UBE4B: variants seen among roughly 807,000 people sequenced by gnomAD.
The protein encoded by UBE4B is ubiquitin conjugation factor E4 B.
UBE4B carries 27 observed loss-of-function variants against 148.1 expected under a neutral mutation model. That is an observed-to-expected ratio of 0.18 (90% confidence interval 0.13 to 0.25). UBE4B has a LOEUF of 0.25. Ranked by LOEUF, UBE4B falls within the 10% of genes least tolerant of loss-of-function variation. The probability of loss-of-function intolerance (pLI) is 1.00; values close to 1 mark genes in which losing one functional copy is unlikely to be tolerated. For synonymous variants in UBE4B, 596 were observed against 619.3 expected (o/e 0.96, Z 0.56); for missense variants, 1,170 against 1,662.4 (o/e 0.70, Z 5.15).
rs1056103804 is a variant in UBE4B, at chr1:10,126,038, T to G, written c.1555-756T>G. 2.0e-5 allele frequency among the ~76,000 whole-genome samples: 3 copies of G among 152,304 alleles called. No homozygotes were observed. In the South Asian group the frequency reaches 6.2e-4, roughly 32 times the overall value. On this transcript the variant is annotated intron_variant, in intron 10 of 27. Transcript: ENST00000343090. ...ATAGAGGGCCAAGCGCGGTAGCTCA[T>G]GCCTGTGATCCCAGCACTTTGGGAG...
chr1:10,061,287 C>T (rs978876502), intron 1 of UBE4B, among the ~76,000 whole-genome samples: 1 of 152,022 alleles, frequency 6.6e-6, no homozygotes, highest in African/African-American at 2.4e-5. Flanking sequence ...AGACAGAGTC[C>T]CTGTCACCCA....
intron 21 of UBE4B, among the ~76,000 whole-genome samples, chr1:10,155,363 A>G (rs1646052237): frequency 6.6e-6 from 1 of 152,238 alleles, no homozygotes; most frequent in Non-Finnish European, 1.5e-5. Flanking sequence ...AGTCCTAAAG[A>G]TAGTACTATA....
chr1:10,138,399 AT>A lies in UBE4B; in HGVS notation c.2363+1200del, dbSNP rs201813896. On this transcript the variant is annotated intron_variant, in intron 17 of 27. Coordinates refer to ENST00000343090, the MANE Select transcript of UBE4B (RefSeq NM_001105562.3). ...GGCGTGAGCCCATGCACCTGGCCCAATTTTTTGTATTTTTTGTAGAGACGGG... is the reference window on the plus strand; with the variant it reads ...GGCGTGAGCCCATGCACCTGGCCCAATTTTTGTATTTTTTGTAGAGACGGG... 4.8e-3 allele frequency among the ~76,000 whole-genome samples: 723 copies of A among 151,796 alleles called. 9 individuals are homozygous for A. Among genetic ancestry groups the A allele is most frequent in the African/African-American group, 0.016 (679 of 41,390 alleles).
intron 3 of UBE4B, among the ~76,000 whole-genome samples, chr1:10,097,329 T>G (rs1261737689): frequency 6.6e-6 from 1 of 151,882 alleles, no homozygotes; most frequent in Non-Finnish European, 1.5e-5. Flanking sequence ...TTGTAGTGAA[T>G]GCAGATGTTC....
At chr1:10,083,405 T>G (rs894557263) in intron 2 of UBE4B, among the ~76,000 whole-genome samples, 5 of 152,196 alleles carry the variant, frequency 3.3e-5, no homozygotes, top group Admixed American at 6.6e-5. Flanking sequence ...TTTTGAGTCT[T>G]TAATGAACAT....
chr1:10,102,618 C>G (rs1448158917), intron 4 of UBE4B, among the ~76,000 whole-genome samples: 1 of 151,736 alleles, frequency 6.6e-6, no homozygotes, highest in Non-Finnish European at 1.5e-5. Flanking sequence ...ACCATGTTGG[C>G]CAGGCTGGTC....
At chr1:10,086,962 G>A (rs1028562711) in intron 2 of UBE4B, among the ~76,000 whole-genome samples, 7 of 152,160 alleles carry the variant, frequency 4.6e-5, no homozygotes, top group Non-Finnish European at 7.4e-5. Context: ...TTGAGCCACC[G>A]CGCCTGGCCT....
chr1:10,106,667 C>A lies in UBE4B; in HGVS notation c.1196+84C>A. 1 of 1,457,718 alleles carries A rather than the reference C, an allele frequency of 6.9e-7. No homozygotes were observed. Among genetic ancestry groups the A allele is most frequent in the South Asian group, 1.4e-5 (1 of 69,142 alleles). 90.3% of individuals were successfully genotyped at this position (1,457,718 alleles called of 1,614,324 possible). A position where few individuals can be genotyped will look rare whatever the true frequency, so the allele number is the denominator to read the frequency against. On this transcript the variant is annotated intron_variant, in intron 7 of 27. Coordinates refer to ENST00000343090, the MANE Select transcript of UBE4B (RefSeq NM_001105562.3). This position sits in a 1 kb window ranked among gnomAD's most constrained non-coding sequence, Gnocchi z 4.2. ...ACGGTTTGGAAGAAGTGCTGTGTGA[C>A]ACTGACTCTGTTAAATTGTTGTTTT... is the stretch of plus-strand genomic sequence containing the variant.
chr1:10,112,731 C>T (rs892026326), intron 7 of UBE4B, among the ~76,000 whole-genome samples: 5 of 152,196 alleles, frequency 3.3e-5, no homozygotes, highest in African/African-American at 1.2e-4. Context: ...TTCAGTATCA[C>T]ACTCAAAATT....
chr1:10,166,987 C>G (rs1646260945), intron 23 of UBE4B, among the ~76,000 whole-genome samples: 1 of 147,662 alleles, frequency 6.8e-6, no homozygotes, highest in Non-Finnish European at 1.5e-5. Context: ...AAAAAATTAG[C>G]TGGGCATGGT....
chr1:10,168,270 G>C lies in UBE4B; in HGVS notation c.3333G>C (p.Pro1111=), dbSNP rs1259810529. 3.1e-6 allele frequency: 5 copies of C among 1,613,646 alleles called. No individual in the cohort carries two copies. The East Asian group carries it at 8.9e-5, about 29-fold the overall frequency. ...AGGTCCAGAAGCCCTTCCTCAGACC[G>C]GTGAGTAGAAACCCGGGGCTCTGTT... ...TKQVQKPFLR[P]ELGPRLAAML... The change falls in exon 24 of 28, where the codon CCG becomes CCC. Residue 1111 remains proline (P), a splice_region_variant and synonymous_variant. Coordinates refer to ENST00000343090, the MANE Select transcript of UBE4B (RefSeq NM_001105562.3). This position sits in a 1 kb window ranked among gnomAD's most constrained non-coding sequence, Gnocchi z 4.9.
chr1:10,043,136 A>G (rs1445817119), intron 1 of UBE4B, among the ~76,000 whole-genome samples: 1 of 151,490 alleles, frequency 6.6e-6, no homozygotes, highest in African/African-American at 2.4e-5. Context: ...CAGCTTCCCA[A>G]GTAGCTGGGA....
At chr1:10,053,081 C>T (rs1379365366) in intron 1 of UBE4B, among the ~76,000 whole-genome samples, 2 of 152,162 alleles carry the variant, frequency 1.3e-5, no homozygotes, top group African/African-American at 4.8e-5. Context: ...ATCAGCGACC[C>T]TCCCACCTCA....
chr1:10,135,806 C>A (rs944280831), intron 16 of UBE4B, among the ~76,000 whole-genome samples: 1 of 147,648 alleles, frequency 6.8e-6, no homozygotes. Flanking sequence ...ATAAAAAAGC[C>A]AAAACCAAAG....
rs1036428316 is a variant in UBE4B at position 10,180,028 on chromosome 1, G to A, written c.*72G>A. 66 of 1,599,748 alleles carry A rather than the reference G, an allele frequency of 4.1e-5. No individual in the cohort carries two copies. The Middle Eastern group carries it at 5.5e-4, about 13-fold the overall frequency. ...GGCAAGCAGAAGCAGCGGCCGCAGC[G>A]AAGCTGCCGTTCATGTGTTGGAGGC... On this transcript the variant is annotated 3_prime_UTR_variant, in exon 28 of 28. Coordinates refer to ENST00000343090, the MANE Select transcript of UBE4B (RefSeq NM_001105562.3).
In UBE4B at chr1:10,102,391, C is replaced by CTTTTTTTT. The variant is rs33997625; in HGVS notation, c.436-527_436-520dup. ...GGTGACTTTTGATAATGACTTTGCTCTTTTTTTTTTTTTTTTTTTTTTTTT... is the reference window on the plus strand; with the variant it reads ...GGTGACTTTTGATAATGACTTTGCTCTTTTTTTTTTTTTTTTTTTTTTTTTTTTTTTTT... On this transcript the variant is annotated intron_variant, in intron 4 of 27. Transcript: ENST00000343090. 1.4e-3 allele frequency among the ~76,000 whole-genome samples: 71 copies of CTTTTTTTT among 51,564 alleles called. 18 individuals carry two copies. The highest frequency in any genetic ancestry group is 1.6e-3 in the Admixed American group (5 of 3,180). The allele number at this position is 51,564 out of a possible 152,430, so 33.8% of individuals were successfully genotyped here.
chr1:10,069,950 G>A (rs1156591723), intron 1 of UBE4B, among the ~76,000 whole-genome samples: 1 of 152,022 alleles, frequency 6.6e-6, no homozygotes, highest in African/African-American at 2.4e-5. Flanking sequence ...TAGAAATCAA[G>A]CATGAACTCC....
chr1:10,064,786 T>G (rs1644354923), intron 1 of UBE4B, among the ~76,000 whole-genome samples: 1 of 151,186 alleles, frequency 6.6e-6, no homozygotes, highest in Non-Finnish European at 1.5e-5. Context: ...TTTTTTTAGA[T>G]AGAGTCTCAC....
At chr1:10,100,069 G>A (rs754587739) in intron 3 of UBE4B, among the ~76,000 whole-genome samples, 2 of 151,434 alleles carry the variant, frequency 1.3e-5, no homozygotes, top group Non-Finnish European at 2.9e-5. Flanking sequence ...GGCTCACTGC[G>A]AGCTCTGCCT....
Sources: allele counts gnomAD v4.1 joint callset (sites outside exome capture counted in the v4.1 genomes callset), GRCh38; gene constraint gnomAD v4.1.1; non-coding constraint Gnocchi (gnomAD v3.1); transcripts MANE v1.5; gene names NCBI Gene and HGNC (gene_info 2026-07-23, HGNC 2026-07-21).